The following PCDHA2 variants were observed in gnomAD, a reference collection of about 807,000 sequenced individuals.
PCDHA2 encodes protocadherin alpha 2.
Under a neutral mutation model 66.0 loss-of-function variants are expected in PCDHA2, and 58 were observed. The observed-to-expected ratio is 0.88, with a 90% CI of 0.71 to 1.09. The LOEUF is 1.09. PCDHA2 is among the 50% of genes least tolerant of loss of function. The pLI is 0.00. For synonymous variants in PCDHA2, 634 were observed against 554.0 expected (o/e 1.14, Z -2.03); for missense variants, 1,267 against 1,242.3 (o/e 1.02, Z -0.30).
At chr5:140,888,213 T>A (rs1460298215) in intron 1 of PCDHA2, among the ~76,000 whole-genome samples, 1 of 152,170 alleles carries the variant, frequency 6.6e-6, no homozygotes, top group East Asian at 1.9e-4. Context: ...CTGGATTTTG[T>A]GTGTGTGTGC....
At chr5:140,823,804 G>A (rs782334570) in intron 1 of PCDHA2, 20 of 1,613,694 alleles carry the variant, frequency 1.2e-5, no homozygotes, top group Non-Finnish European at 1.6e-5. Context: ...GGCGCCGAAG[G>A]CCTCATCGCG....
intron 1 of PCDHA2, chr5:140,830,956 A>G (rs1012180465): frequency 6.6e-6 from 1 of 152,094 alleles, no homozygotes; most frequent in Non-Finnish European, 1.5e-5. Flanking sequence ...TAACGCTTTG[A>G]TTTTATCCAT....
chr5:140,910,864 A>G (rs2153516118), intron 1 of PCDHA2, among the ~76,000 whole-genome samples: 1 of 152,266 alleles, frequency 6.6e-6, no homozygotes, highest in Non-Finnish European at 1.5e-5. Context: ...TCCATCCACC[A>G]TTATCCCACA....
intron 1 of PCDHA2, among the ~76,000 whole-genome samples, chr5:140,921,888 AAGG>A (rs1354196773): frequency 2.0e-5 from 3 of 152,090 alleles, no homozygotes; most frequent in African/African-American, 7.2e-5. Flanking sequence ...AGATTTTAGA[AAGG>A]AGGATAAATA....
intron 1 of PCDHA2, chr5:140,852,649 T>C (rs1206238129): frequency 3.1e-6 from 3 of 960,206 alleles, no homozygotes; most frequent in African/African-American, 3.6e-5. Context: ...TAAACCTATC[T>C]ATATCTGTCT....
At chr5:140,869,964 T>C (rs546576795) in intron 1 of PCDHA2, 1 of 1,613,046 alleles carries the variant, frequency 6.2e-7, no homozygotes, top group Non-Finnish European at 8.5e-7. Context: ...TTAAGCCCAA[T>C]GGAAGACACT....
chr5:140,988,500 C>T (rs1340106461), intron 3 of PCDHA2, among the ~76,000 whole-genome samples: 1 of 152,116 alleles, frequency 6.6e-6, no homozygotes, highest in Non-Finnish European at 1.5e-5. Flanking sequence ...TAGGAGAAGC[C>T]ATGAAGCTTA....
At chr5:140,823,221 C>T (rs1328701255) in intron 1 of PCDHA2, 4 of 1,613,612 alleles carry the variant, frequency 2.5e-6, no homozygotes, top group African/African-American at 1.3e-5. Flanking sequence ...GGGACGCGGA[C>T]GCGCAGGAGA....
chr5:140,798,047 T>G (rs1762291636), intron 1 of PCDHA2, among the ~76,000 whole-genome samples: 1 of 152,092 alleles, frequency 6.6e-6, no homozygotes. Flanking sequence ...TTATTTTTAG[T>G]AGAGACGGGG....
intron 1 of PCDHA2, among the ~76,000 whole-genome samples, chr5:140,951,147 AATATAGT>A (rs1554219760): frequency 9.9e-6 from 1 of 100,716 alleles, no homozygotes; most frequent in African/African-American, 4.8e-5. Flanking sequence ...TATCTTATTG[AATATAGT>A]TATAGTAGCT....
chr5:140,897,964 T>A (rs1554187709), intron 1 of PCDHA2, among the ~76,000 whole-genome samples: 1 of 152,236 alleles, frequency 6.6e-6, no homozygotes, highest in South Asian at 2.1e-4. Flanking sequence ...TTTTCATGTG[T>A]CTTTTGGCTG....
At chr5:140,957,107 G>A in intron 1 of PCDHA2, among the ~76,000 whole-genome samples, 1 of 152,092 alleles carries the variant, frequency 6.6e-6, no homozygotes, top group East Asian at 1.9e-4. Context: ...CTATGGACAT[G>A]ATTCTGTGTG....
rs576802253 is a variant in PCDHA2 at position 140,888,837 on chromosome 5, C to T, written c.2389-90112C>T. ...GATCTGTGATCACATCACTCCACTG[C>T]AGCCTGGTGACAGAGTGAGACCATG... is the stretch of plus-strand genomic sequence containing the variant. On this transcript the variant is annotated intron_variant, in intron 1 of 3. Coordinates refer to ENST00000526136, the MANE Select transcript of PCDHA2 (RefSeq NM_018905.3). Among the ~76,000 whole-genome samples, 5 of 152,130 alleles carry T rather than the reference C, an allele frequency of 3.3e-5. No individual in the cohort carries two copies. In the South Asian group the frequency reaches 1.0e-3, roughly 32 times the overall value.
At chr5:140,898,150 G>A (rs373714901) in intron 1 of PCDHA2, among the ~76,000 whole-genome samples, 6 of 152,198 alleles carry the variant, frequency 3.9e-5, no homozygotes, top group African/African-American at 9.6e-5. Flanking sequence ...GCCTGTTCAC[G>A]CTGATGGTGG....
chr5:140,857,154 C>T (rs147581214), intron 1 of PCDHA2: 7 of 1,598,342 alleles, frequency 4.4e-6, no homozygotes, highest in Non-Finnish European at 6.0e-6. Flanking sequence ...ACCGTCATTG[C>T]CCTAATCAGC....
At chr5:140,811,925 A>T (rs1279323596) in intron 1 of PCDHA2, 2 of 152,144 alleles carry the variant, frequency 1.3e-5, no homozygotes, top group Non-Finnish European at 2.9e-5. Context: ...GGTAGATTGC[A>T]AAAATTTTCT....
At position 141,000,188 on chromosome 5, in the gene PCDHA2, A is replaced by G. The variant is rs182049578; in HGVS notation, c.2537-9439A>G. 8.6e-3 allele frequency among the ~76,000 whole-genome samples: 1,302 copies of G among 151,928 alleles called. 5 individuals carry two copies. Among genetic ancestry groups the G allele is most frequent in the Middle Eastern group, 0.017 (5 of 294 alleles). ...ATTATTGAGCCAAGGAGTCAATGTG[A>G]GAATAGTTTTTCACCTTCATTATCA... is the stretch of plus-strand genomic sequence containing the variant. On this transcript the variant is annotated intron_variant, in intron 3 of 3. Coordinates refer to ENST00000526136, the MANE Select transcript of PCDHA2 (RefSeq NM_018905.3).
intron 1 of PCDHA2, among the ~76,000 whole-genome samples, chr5:140,943,845 C>A (rs59104695): frequency 3.3e-5 from 5 of 152,226 alleles, no homozygotes; most frequent in Admixed American, 1.3e-4. Flanking sequence ...TGTAAGATGT[C>A]ACAGAAGTCA....
rs1459360410 is a variant in PCDHA2 at position 140,851,559 on chromosome 5, A to C, written c.2388+54207A>C. 4 of 909,446 alleles carry C rather than the reference A, an allele frequency of 4.4e-6. 1 individual carries two copies. In the East Asian group the frequency reaches 3.5e-4, roughly 79 times the overall value. The allele number at this position is 909,446 out of a possible 1,614,324, so 56.3% of individuals were successfully genotyped here. A position where few individuals can be genotyped will look rare whatever the true frequency, so the allele number is the denominator to read the frequency against. ...AGATAATTCAAGAAATGTTGACTGA[A>C]ATTTTGTCTACACTTAGAACATTTT... is the stretch of plus-strand genomic sequence containing the variant. On this transcript the variant is annotated intron_variant, in intron 1 of 3. Transcript: ENST00000526136.
Sources: allele counts gnomAD v4.1 joint callset (sites outside exome capture counted in the v4.1 genomes callset), GRCh38; gene constraint gnomAD v4.1.1; transcripts MANE v1.5; gene names NCBI Gene and HGNC (gene_info 2026-07-23, HGNC 2026-07-21).